RBFOX1: variants seen among roughly 807,000 people sequenced by gnomAD.
RBFOX1 encodes the protein RNA binding protein fox-1 homolog 1.
RBFOX1 carries 8 observed loss-of-function variants against 57.7 expected under a neutral mutation model. The observed-to-expected ratio is 0.14, with a 90% CI of 0.08 to 0.25. The LOEUF is 0.25. RBFOX1 is among the 10% of genes least tolerant of loss of function. The probability of loss-of-function intolerance (pLI) is 1.00; values close to 1 mark genes in which losing one functional copy is unlikely to be tolerated. For synonymous variants in RBFOX1, 326 were observed against 222.4 expected (o/e 1.47, Z -4.15); for missense variants, 611 against 548.5 (o/e 1.11, Z -1.14).
In RBFOX1 at chr16:6,798,458, A is replaced by C. The variant is rs1024113723; in HGVS notation, c.-16+143808A>C. On this transcript the variant is annotated intron_variant, in intron 3 of 15. Coordinates refer to ENST00000550418, the MANE Select transcript of RBFOX1 (RefSeq NM_018723.4). ...GAGACAGAGAGCTGCTATGTTGTTTAATTCAGAATGGCAGGGAGCTGAAAC... is the reference window on the plus strand; with the variant it reads ...GAGACAGAGAGCTGCTATGTTGTTTCATTCAGAATGGCAGGGAGCTGAAAC... Among the ~76,000 whole-genome samples, 14 of 152,168 alleles carry C rather than the reference A, an allele frequency of 9.2e-5. 1 individual carries two copies. The highest frequency in any genetic ancestry group is 7.2e-4 in the Admixed American group (11 of 15,276).
intron 3 of RBFOX1, among the ~76,000 whole-genome samples, chr16:5,721,736 G>T (rs189039675): frequency 6.6e-6 from 1 of 152,052 alleles, no homozygotes. Flanking sequence ...TGACATTTTG[G>T]TTCTTTATTA....
At chr16:7,557,464 AT>A (rs1473546844) in intron 5 of RBFOX1, among the ~76,000 whole-genome samples, 1 of 151,852 alleles carries the variant, frequency 6.6e-6, no homozygotes, top group Admixed American at 6.6e-5. Context: ...TACTAAAAAT[AT>A]AAAAATTAGC....
chr16:7,037,463 C>A (rs555400484), intron 3 of RBFOX1, among the ~76,000 whole-genome samples: 1 of 152,000 alleles, frequency 6.6e-6, no homozygotes, highest in Non-Finnish European at 1.5e-5. Flanking sequence ...GGTTCATAAA[C>A]CTCTGACAAT....
intron 2 of RBFOX1, chr16:6,483,360 G>C: frequency 6.7e-7 from 1 of 1,500,274 alleles, no homozygotes; most frequent in Non-Finnish European, 8.9e-7. Flanking sequence ...CAGCCCGGGC[G>C]AGCGAAGGCG....
chr16:7,686,969 G>C (rs1339335101), intron 14 of RBFOX1, among the ~76,000 whole-genome samples: 1 of 152,074 alleles, frequency 6.6e-6, no homozygotes, highest in Non-Finnish European at 1.5e-5. Context: ...GAGATTCACA[G>C]ACCTTATCTT....
chr16:5,605,205 A>G lies in RBFOX1; in HGVS notation c.318+6244A>G, dbSNP rs144593410. Among the ~76,000 whole-genome samples, 11 of 152,292 alleles carry G rather than the reference A, an allele frequency of 7.2e-5. No homozygotes were observed. In the East Asian group the frequency reaches 2.1e-3, roughly 29 times the overall value. Reference sequence around the variant, plus strand: ...AATGTTGAAGAAAGAGATGGGGCAGATTGGACTGGATTTCATCTCTGATTC... The same window carrying G: ...AATGTTGAAGAAAGAGATGGGGCAGGTTGGACTGGATTTCATCTCTGATTC... On this transcript the variant is annotated intron_variant, in intron 3 of 19. Transcript: ENST00000641259.
chr16:7,182,296 C>T (rs1374097999), intron 4 of RBFOX1, among the ~76,000 whole-genome samples: 1 of 152,038 alleles, frequency 6.6e-6, no homozygotes, highest in African/African-American at 2.4e-5. Flanking sequence ...AGGTTGAATT[C>T]CGAGAGTCAC....
intron 11 of RBFOX1, among the ~76,000 whole-genome samples, chr16:7,649,484 C>T (rs991774801): frequency 6.6e-6 from 1 of 152,164 alleles, no homozygotes; most frequent in Non-Finnish European, 1.5e-5. Context: ...ATGTCTTGGC[C>T]TCATTTTTCC....
At chr16:6,288,370 G>A (rs1358809595) in intron 1 of RBFOX1, among the ~76,000 whole-genome samples, 1 of 152,126 alleles carries the variant, frequency 6.6e-6, no homozygotes, top group Non-Finnish European at 1.5e-5. Flanking sequence ...TGGAAGTTCT[G>A]GGTTAGAGCC....
intron 4 of RBFOX1, among the ~76,000 whole-genome samples, chr16:7,133,365 G>T (rs145030997): frequency 6.6e-6 from 1 of 152,144 alleles, no homozygotes; most frequent in Non-Finnish European, 1.5e-5. Flanking sequence ...AGAACATTCC[G>T]ATGTGAGATG....
intron 2 of RBFOX1, among the ~76,000 whole-genome samples, chr16:6,602,105 A>C (rs563403569): frequency 2.6e-5 from 4 of 151,946 alleles, no homozygotes; most frequent in African/African-American, 9.7e-5. Context: ...TTTATTGGCC[A>C]TTTGTCTGTC....
At chr16:6,043,741 C>T (rs903888175) in intron 1 of RBFOX1, among the ~76,000 whole-genome samples, 1 of 152,116 alleles carries the variant, frequency 6.6e-6, no homozygotes, top group Non-Finnish European at 1.5e-5. Context: ...AAGGAGAACT[C>T]CAGGGGCTCT....
chr16:7,456,264 G>A (rs1217797068), intron 4 of RBFOX1, among the ~76,000 whole-genome samples: 1 of 152,142 alleles, frequency 6.6e-6, no homozygotes, highest in Admixed American at 6.5e-5. Flanking sequence ...CTATCCTAGA[G>A]GGACCCCCCC....
chr16:7,028,860 T>G (rs1056934076), intron 3 of RBFOX1, among the ~76,000 whole-genome samples: 121 of 150,774 alleles, frequency 8.0e-4, no homozygotes, highest in African/African-American at 2.7e-3. Flanking sequence ...GGGCATCGCT[T>G]GGATCTGAGT....
intron 1 of RBFOX1, among the ~76,000 whole-genome samples, chr16:5,315,265 C>T (rs924767530): frequency 1.2e-4 from 19 of 152,260 alleles, no homozygotes; most frequent in African/African-American, 4.3e-4. Flanking sequence ...GGAGGCCGTC[C>T]GTCTGTCCAG....
chr16:6,904,592 C>T (rs1240396649), intron 3 of RBFOX1, among the ~76,000 whole-genome samples: 1 of 94,660 alleles, frequency 1.1e-5, no homozygotes, highest in Non-Finnish European at 1.9e-5. Flanking sequence ...CAGAGTGAGA[C>T]TCTCTCTAAA....
At chr16:7,218,223 T>G (rs2092407731) in intron 4 of RBFOX1, among the ~76,000 whole-genome samples, 1 of 152,204 alleles carries the variant, frequency 6.6e-6, no homozygotes, top group Non-Finnish European at 1.5e-5. Context: ...CTTATTTTCC[T>G]TCATTAATTT....
chr16:7,171,792 G>C (rs750214134), intron 4 of RBFOX1, among the ~76,000 whole-genome samples: 2 of 152,144 alleles, frequency 1.3e-5, no homozygotes, highest in Non-Finnish European at 2.9e-5. Flanking sequence ...CAGGTGCTTT[G>C]AATTTTGGCT....
chr16:7,389,137 A>G (rs1447313319), intron 4 of RBFOX1, among the ~76,000 whole-genome samples: 1 of 151,672 alleles, frequency 6.6e-6, no homozygotes, highest in East Asian at 1.9e-4. Context: ...TTTTATTTTT[A>G]TTTTTGGAGG....
Sources: gnomAD v4.1 joint callset for allele counts (sites outside exome capture counted in the v4.1 genomes callset) on GRCh38, gnomAD v4.1.1 for gene constraint, MANE v1.5 for transcripts, NCBI Gene and HGNC (gene_info 2026-07-23, HGNC 2026-07-21) for gene names.